NEU3: variants seen among roughly 807,000 people sequenced by gnomAD.
The protein encoded by NEU3 is neuraminidase 3.
In NEU3, 10 loss-of-function variants were observed where a neutral mutation model predicts 11.4. The observed-to-expected ratio is 0.88, with a 90% CI of 0.54 to 1.49. NEU3 has a LOEUF of 1.49. NEU3 is among the 40% of genes most tolerant of loss of function. The pLI is 0.00. For synonymous variants in NEU3, 212 were observed against 228.2 expected (o/e 0.93, Z 0.64); for missense variants, 529 against 581.8 (o/e 0.91, Z 0.93).
chr11:74,981,587 G>A, the NEU3 span, among the ~76,000 whole-genome samples: 1 of 152,104 alleles, frequency 6.6e-6, no homozygotes, highest in Non-Finnish European at 1.5e-5. Flanking sequence ...CAAACATCAT[G>A]CTCATGTTGC....
chr11:75,018,460 G>A (rs767040855), intron 3 of NEU3, among the ~76,000 whole-genome samples: 4 of 152,180 alleles, frequency 2.6e-5, no homozygotes, highest in East Asian at 1.9e-4. Flanking sequence ...TATAAAGCAG[G>A]CAGAAAAACG....
At chr11:75,002,253 A>C (rs1043345055) in intron 2 of NEU3, among the ~76,000 whole-genome samples, 1 of 152,200 alleles carries the variant, frequency 6.6e-6, no homozygotes, top group Non-Finnish European at 1.5e-5. Context: ...AGGACCCACT[A>C]TGTTGCCCAA....
chr11:75,006,083 A>AT lies in NEU3; in HGVS notation c.978dup (p.Arg327Ter), dbSNP rs753763414. 1 of 1,614,002 alleles carries AT rather than the reference A, an allele frequency of 6.2e-7. No homozygotes were observed. The highest frequency in any genetic ancestry group is 1.7e-5 in the Admixed American group (1 of 60,028). On this transcript the variant is annotated frameshift_variant, in exon 3 of 3. Coordinates refer to ENST00000294064, the MANE Select transcript of NEU3 (RefSeq NM_006656.6). LOFTEE classifies it low-confidence loss of function (END_TRUNC). ...AGTTTCCGGCCCCTGGAGATCCCAC[A>AT]TAGGTGCCAGGACTCTAGCAGCAAA...
chr11:75,000,810 T>TTTATTTAA (rs1948836343), intron 2 of NEU3, among the ~76,000 whole-genome samples: 1 of 150,450 alleles, frequency 6.6e-6, no homozygotes, highest in Non-Finnish European at 1.5e-5. Context: ...TATTTATTTA[T>TTTATTTAA]TTATTTATTG....
intron 2 of NEU3, among the ~76,000 whole-genome samples, chr11:74,996,194 C>T (rs1326806231): frequency 2.0e-5 from 3 of 152,154 alleles, no homozygotes; most frequent in African/African-American, 7.2e-5. Flanking sequence ...TTTGCTGAAA[C>T]AGTTGACACT....
At position 75,006,575 on chromosome 11, in the gene NEU3, A is replaced by C; in HGVS notation, c.*83A>C. ...AGCTACTGAAGTCTACAGATAATCAAAAAACTTAATATTCTGTTCCCTACC... is the reference window on the plus strand; with the variant it reads ...AGCTACTGAAGTCTACAGATAATCACAAAACTTAATATTCTGTTCCCTACC... On this transcript the variant is annotated 3_prime_UTR_variant, in exon 3 of 3. Transcript: ENST00000294064. The C allele has an allele frequency of 6.9e-7, 1 of 1,454,196 alleles. No individual in the cohort carries two copies. Among genetic ancestry groups the C allele is most frequent in the Non-Finnish European group, 9.2e-7 (1 of 1,090,420 alleles). The allele number at this position is 1,454,196 out of a possible 1,614,324, so 90.1% of individuals were successfully genotyped here.
At chr11:74,984,455 G>A (rs1948654872), upstream of NEU3, among the ~76,000 whole-genome samples, 2 of 152,168 alleles carry the variant, frequency 1.3e-5, no homozygotes, top group Admixed American at 6.5e-5. Context: ...TCTGGCTACT[G>A]CTATTGCTGT....
At chr11:75,005,294 T>A (rs1289063824) in intron 2 of NEU3, 119 bp from the exon 3 acceptor site, 1 of 1,136,252 alleles carries the variant, frequency 8.8e-7, no homozygotes, top group Non-Finnish European at 1.2e-6. Flanking sequence ...TAGGCCTTCG[T>A]GATTTTATAG....
the NEU3 span, among the ~76,000 whole-genome samples, chr11:74,981,484 C>A: frequency 6.6e-6 from 1 of 152,190 alleles, no homozygotes; most frequent in East Asian, 1.9e-4. Context: ...GTTTTGAGCA[C>A]CCCTCCCCTC....
intron 2 of NEU3, among the ~76,000 whole-genome samples, chr11:75,004,669 TAAAG>T (rs930950068): frequency 7.2e-5 from 11 of 152,200 alleles, no homozygotes; most frequent in African/African-American, 1.9e-4. Context: ...ATTTAACTGA[TAAAG>T]AAATTGAGGT....
rs1230058442 is a variant in NEU3 at position 75,005,902 on chromosome 11, G to T, written c.796G>T (p.Gly266Trp). The T allele has an allele frequency of 6.2e-7, 1 of 1,613,624 alleles. No homozygotes were observed. The highest frequency in any genetic ancestry group is 2.2e-5 in the East Asian group (1 of 44,872). The change falls in exon 3 of 3, where the codon GGG becomes TGG. Residue 266 changes from glycine to tryptophan, a missense_variant. Physicochemically the swap from Gly to Trp is radical, Grantham distance 184. Transcript: ENST00000294064. ...TVECEVAEVT[G>W]RAGHPVLYCS... ...AGAATGTGAAGTGGCAGAGGTGACT[G>T]GGAGGGCTGGCCACCCTGTGCTATA...
intron 1 of NEU3, among the ~76,000 whole-genome samples, chr11:74,993,173 C>G (rs1257894802): frequency 6.6e-6 from 1 of 151,996 alleles, no homozygotes; most frequent in Admixed American, 6.6e-5. Flanking sequence ...GGGTTAGACT[C>G]TAGTGGGTTT....
downstream of NEU3, among the ~76,000 whole-genome samples, chr11:75,013,859 A>C (rs374587620): frequency 3.3e-5 from 5 of 152,194 alleles, no homozygotes; most frequent in African/African-American, 1.2e-4. Context: ...GTGTGACAAA[A>C]ACCTCTGTTT....
chr11:74,994,924 G>A (rs139022209), intron 2 of NEU3: 62 of 684,760 alleles, frequency 9.1e-5, no homozygotes, highest in South Asian at 2.4e-4. Flanking sequence ...ATTCTGTGTC[G>A]TAGGTACTGT....
In NEU3 at chr11:75,009,543, C is replaced by T. The variant is rs1291094273; in HGVS notation, c.*3051C>T. 1 of 152,424 alleles carries T rather than the reference C, an allele frequency of 6.6e-6. No homozygotes were observed. The highest frequency in any genetic ancestry group is 6.5e-5 in the Admixed American group (1 of 15,272). 9.4% of individuals were successfully genotyped at this position (152,424 alleles called of 1,614,324 possible). ...GATTGATAGGATGGAAAAGACAGGG[C>T]AGGTGGTAGCAGCTGTGAAGAAAAG... On this transcript the variant is annotated 3_prime_UTR_variant, in exon 3 of 3. Transcript: ENST00000294064.
Position 75,006,138 on chromosome 11 carries a change from A to G in NEU3, c.1032A>G (p.Pro344=), listed in dbSNP as rs1475521318. ...CACCCACCATTCAGCAGAGCTCTCC[A>G]GGCAGTTCACTGAGGCTGGAGGAGG... The part of the protein sequence containing the change: ...KDAPTIQQSS[P]GSSLRLEEEA... Residue 344 remains proline, a synonymous_variant, in exon 3 of 3, where the codon CCA becomes CCG. Transcript: ENST00000294064. 2.2e-5 allele frequency: 35 copies of G among 1,613,896 alleles called. No homozygotes were observed. Among genetic ancestry groups the G allele is most frequent in the Non-Finnish European group, 2.8e-5 (33 of 1,179,900 alleles).
At chr11:75,018,252 C>T (rs572558160) in intron 3 of NEU3, among the ~76,000 whole-genome samples, 1 of 152,168 alleles carries the variant, frequency 6.6e-6, no homozygotes, top group South Asian at 2.1e-4. Context: ...TTGTTCTCCC[C>T]CTCCCTGCCT....
intron 2 of NEU3, among the ~76,000 whole-genome samples, chr11:74,996,647 A>G (rs1948793491): frequency 6.6e-6 from 1 of 152,218 alleles, no homozygotes; most frequent in African/African-American, 2.4e-5. Context: ...TCTGAATGGC[A>G]TCTAGACTAG....
upstream of NEU3, among the ~76,000 whole-genome samples, chr11:74,986,008 G>A (rs565185218): frequency 6.6e-6 from 1 of 152,320 alleles, no homozygotes; most frequent in East Asian, 1.9e-4. Context: ...CCAGACACCT[G>A]TCAAAAAACA....
Sources: allele counts gnomAD v4.1 joint callset (sites outside exome capture counted in the v4.1 genomes callset), GRCh38; gene constraint gnomAD v4.1.1; transcripts MANE v1.5; gene names NCBI Gene and HGNC (gene_info 2026-07-23, HGNC 2026-07-21).